RAB11FIP2: variants seen among roughly 807,000 people sequenced by gnomAD.
RAB11FIP2 encodes RAB11 family interacting protein 2.
In RAB11FIP2, 16 loss-of-function variants were observed where a neutral mutation model predicts 40.9. The observed-to-expected ratio is 0.39, with a 90% confidence interval of 0.26 to 0.59. RAB11FIP2 has a LOEUF of 0.59. Ranked by LOEUF, RAB11FIP2 falls within the 20% of genes least tolerant of loss-of-function variation. RAB11FIP2 has a pLI of 0.53. For missense variants in RAB11FIP2, 532 were observed against 606.2 expected, an observed-to-expected ratio of 0.88 and a Z score of 1.28; for synonymous variants, 228 against 213.7, an observed-to-expected ratio of 1.07 and a Z score of -0.58.
At chr10:118,020,337 A>G (rs1186645383) in intron 3 of RAB11FIP2, among the ~76,000 whole-genome samples, 3 of 152,224 alleles carry the variant, frequency 2.0e-5, no homozygotes, top group African/African-American at 7.2e-5. Context: ...GAAATGATTC[A>G]GAAAAGTCTT....
chr10:118,016,472 T>G (rs1164065444), intron 3 of RAB11FIP2, among the ~76,000 whole-genome samples: 1 of 152,114 alleles, frequency 6.6e-6, no homozygotes, highest in Non-Finnish European at 1.5e-5. Flanking sequence ...AAAAGCATTC[T>G]CACATAGTCC....
At chr10:118,018,924 T>G (rs1846251827) in intron 3 of RAB11FIP2, among the ~76,000 whole-genome samples, 1 of 152,090 alleles carries the variant, frequency 6.6e-6, no homozygotes, top group South Asian at 2.1e-4. Context: ...TTGTTTTTGT[T>G]TGTTTCTCTT....
At chr10:118,034,708 A>G (rs1448900756) in intron 3 of RAB11FIP2, among the ~76,000 whole-genome samples, 1 of 152,184 alleles carries the variant, frequency 6.6e-6, no homozygotes, top group East Asian at 1.9e-4. Context: ...ATTAAAAAAC[A>G]AGACTAGTGG....
At position 118,008,782 on chromosome 10, in the gene RAB11FIP2, C is replaced by T; in HGVS notation, c.*216G>A. 2 of 533,086 alleles carry T rather than the reference C, an allele frequency of 3.8e-6. No individual in the cohort carries two copies. Among genetic ancestry groups the T allele is most frequent in the Non-Finnish European group, 6.7e-6 (2 of 298,150 alleles). The allele number at this position is 533,086 out of a possible 1,614,324, so 33.0% of individuals were successfully genotyped here. A position where few individuals can be genotyped will look rare whatever the true frequency, so the allele number is the denominator to read the frequency against. On this transcript the variant is annotated 3_prime_UTR_variant, in exon 5 of 5. Transcript: ENST00000355624. ...AACCACTTATTCATTGAGAATCTGG[C>T]CCATTTTCAATTTAAACATTTAAAT... is the stretch of plus-strand genomic sequence containing the variant.
intron 4 of RAB11FIP2, among the ~76,000 whole-genome samples, chr10:118,013,436 G>A (rs1452360605): frequency 6.6e-6 from 1 of 152,038 alleles, no homozygotes; most frequent in Non-Finnish European, 1.5e-5. Context: ...GACAGGTGTT[G>A]GCACTAGCAT....
intron 3 of RAB11FIP2, among the ~76,000 whole-genome samples, chr10:118,023,452 A>G (rs1846305460): frequency 6.6e-6 from 1 of 152,220 alleles, no homozygotes; most frequent in Non-Finnish European, 1.5e-5. Flanking sequence ...ATGATATTAC[A>G]GATGAAAAGA....
intron 3 of RAB11FIP2, among the ~76,000 whole-genome samples, chr10:118,024,022 G>A (rs758008537): frequency 3.3e-5 from 5 of 151,362 alleles, no homozygotes; most frequent in African/African-American, 7.3e-5. Context: ...CCTGGGAGAC[G>A]GAGGCTGCAG....
chr10:118,029,682 A>G (rs918574931), intron 3 of RAB11FIP2, among the ~76,000 whole-genome samples: 1 of 152,146 alleles, frequency 6.6e-6, no homozygotes, highest in Admixed American at 6.6e-5. Flanking sequence ...GATGGGCTAG[A>G]GTAGCACCAC....
At position 118,040,174 on chromosome 10, in the gene RAB11FIP2, T is replaced by C. The variant is rs1846536271; in HGVS notation, c.745A>G (p.Thr249Ala). The C allele has an allele frequency of 1.2e-6, 2 of 1,613,832 alleles. No individual in the cohort carries two copies. The highest frequency in any genetic ancestry group is 3.3e-5 in the Admixed American group (2 of 60,006). ...EKLKAGTIGQTHLLGHQLDSF... is the reference protein window; with the variant it reads ...EKLKAGTIGQAHLLGHQLDSF... ...TCTAACTGGTGTCCGAGAAGATGTGTTTGACCTATGGTGCCAGCCTTCAGT... is the reference window on the plus strand; with the variant it reads ...TCTAACTGGTGTCCGAGAAGATGTGCTTGACCTATGGTGCCAGCCTTCAGT... The change falls in exon 2 of 5, where the codon ACA becomes GCA. Residue 249 changes from threonine to alanine, a missense_variant. Coordinates refer to ENST00000355624, the MANE Select transcript of RAB11FIP2 (RefSeq NM_014904.3).
In RAB11FIP2 at chr10:118,039,127, TCTG is replaced by T; in HGVS notation, c.1107_1109del (p.Ser369del). 6.2e-7 allele frequency: 1 copy of T among 1,613,822 alleles called. No individual in the cohort carries two copies. The highest frequency in any genetic ancestry group is 8.5e-7 in the Non-Finnish European group (1 of 1,179,794). On this transcript the variant is annotated inframe_deletion, in exon 3 of 5. Coordinates refer to ENST00000355624, the MANE Select transcript of RAB11FIP2 (RefSeq NM_014904.3). ...CCCCATTGTTAAGTTTATCAGATCT[TCTG>T]CTATCTTTTTTTCCAGTCACTCTTT... is the stretch of plus-strand genomic sequence containing the variant.
At position 118,006,961 on chromosome 10, in the gene RAB11FIP2, A is replaced by G. The variant is rs779116671; in HGVS notation, c.*2037T>C. The G allele has an allele frequency of 7.9e-5, 12 of 152,550 alleles. No homozygotes were observed. In the East Asian group the frequency reaches 1.3e-3, roughly 17 times the overall value. The allele number at this position is 152,550 out of a possible 1,614,324, so 9.4% of individuals were successfully genotyped here. A position where few individuals can be genotyped will look rare whatever the true frequency, so the allele number is the denominator to read the frequency against. On this transcript the variant is annotated 3_prime_UTR_variant, in exon 5 of 5. Coordinates refer to ENST00000355624, the MANE Select transcript of RAB11FIP2 (RefSeq NM_014904.3). ...TCTATTTATGTAAAACATATCCCCAATACAAAACTGACATCTTGGTTCACT... is the reference window on the plus strand; with the variant it reads ...TCTATTTATGTAAAACATATCCCCAGTACAAAACTGACATCTTGGTTCACT...
At position 118,040,202 on chromosome 10, in the gene RAB11FIP2, C is replaced by T. The variant is rs1452668770; in HGVS notation, c.717G>A (p.Glu239=). 1.2e-6 allele frequency: 2 copies of T among 1,613,790 alleles called. No individual in the cohort carries two copies. The change falls in exon 2 of 5, where the codon GAG becomes GAA. Residue 239 remains glutamate, a synonymous_variant. Coordinates refer to ENST00000355624, the MANE Select transcript of RAB11FIP2 (RefSeq NM_014904.3). ...SDLSGSHMSS[E]KLKAGTIGQT... ...GACCTATGGTGCCAGCCTTCAGTTT[C>T]TCAGAAGACATATGGGACCCAGATA... is the stretch of plus-strand genomic sequence containing the variant.
chr10:118,039,912 C>T (rs1846533108), intron 2 of RAB11FIP2: 1 of 497,208 alleles, frequency 2.0e-6, no homozygotes, highest in East Asian at 3.2e-5. Context: ...ATTTTATTAT[C>T]ATCTAATAAT....
rs1424220988 is a variant in RAB11FIP2 at position 118,046,703 on chromosome 10, C to T, written c.-540G>A. On this transcript the variant is annotated 5_prime_UTR_variant, in exon 1 of 5. Transcript: ENST00000355624. ...CTCGCTCCCTCTCGCAAACCTCTCC[C>T]TCCTCCTCCTCCCCCTCGCCTCAGC... 6.6e-6 allele frequency: 1 copy of T among 152,372 alleles called. No individual in the cohort carries two copies. Among genetic ancestry groups the T allele is most frequent in the Non-Finnish European group, 1.5e-5 (1 of 68,240 alleles). The allele number at this position is 152,372 out of a possible 1,614,324, so 9.4% of individuals were successfully genotyped here. A position where few individuals can be genotyped will look rare whatever the true frequency, so the allele number is the denominator to read the frequency against.
chr10:118,044,110 T>C (rs1846596152), intron 1 of RAB11FIP2, among the ~76,000 whole-genome samples: 1 of 152,210 alleles, frequency 6.6e-6, no homozygotes, highest in African/African-American at 2.4e-5. Context: ...ACCATAATAT[T>C]AGAGTATTGC....
At chr10:118,042,873 T>C (rs1031936713) in intron 1 of RAB11FIP2, among the ~76,000 whole-genome samples, 1 of 152,166 alleles carries the variant, frequency 6.6e-6, no homozygotes, top group African/African-American at 2.4e-5. Context: ...AATATACTCA[T>C]TGAAAATGTA....
intron 3 of RAB11FIP2, among the ~76,000 whole-genome samples, chr10:118,022,766 C>CAT (rs1320336396): frequency 6.6e-6 from 1 of 152,166 alleles, no homozygotes. Context: ...TCATTCTTAG[C>CAT]ATCTGACACA....
rs1846110199 is a variant in RAB11FIP2 at position 118,007,686 on chromosome 10, ATTGC to A, written c.*1308_*1311del. The A allele has an allele frequency of 6.6e-6, 1 of 152,114 alleles. No individual in the cohort carries two copies. The highest frequency in any genetic ancestry group is 1.5e-5 in the Non-Finnish European group (1 of 67,978). 9.4% of individuals were successfully genotyped at this position (152,114 alleles called of 1,614,324 possible). A position where few individuals can be genotyped will look rare whatever the true frequency, so the allele number is the denominator to read the frequency against. ...AGAAGATTAGCAATATTTTTATAAC[ATTGC>A]TTGTCAATTTAAATTTCAGAAAAAA... On this transcript the variant is annotated 3_prime_UTR_variant, in exon 5 of 5. Transcript: ENST00000355624.
intron 3 of RAB11FIP2, among the ~76,000 whole-genome samples, chr10:118,021,183 C>T (rs189304865): frequency 1.3e-3 from 197 of 152,250 alleles, no homozygotes; most frequent in Non-Finnish European, 2.2e-3. Context: ...TTTAGGATTG[C>T]ATTTTTAAAG....
Sources: gnomAD v4.1 joint callset for allele counts (sites outside exome capture counted in the v4.1 genomes callset) on GRCh38, gnomAD v4.1.1 for gene constraint, MANE v1.5 for transcripts, NCBI Gene and HGNC (gene_info 2026-07-23, HGNC 2026-07-21) for gene names.